The following CHRM3 variants were observed in gnomAD, a reference collection of about 807,000 sequenced individuals.
CHRM3 encodes the protein muscarinic acetylcholine receptor M3.
CHRM3 carries 11 observed loss-of-function variants against 41.8 expected under a neutral mutation model. That is an observed-to-expected ratio of 0.26 (90% CI 0.17 to 0.44). CHRM3 has a LOEUF of 0.44. Among genes scored for constraint, CHRM3 ranks in the 20% least tolerant of loss-of-function variants. The probability of loss-of-function intolerance (pLI) is 1.00; values close to 1 mark genes in which losing one functional copy is unlikely to be tolerated. For synonymous variants in CHRM3, 297 were observed against 301.4 expected (o/e 0.99, Z 0.15); for missense variants, 571 against 745.4 (o/e 0.77, Z 2.72).
chr1:239,538,619 C>T (rs988931603), intron 2 of CHRM3, among the ~76,000 whole-genome samples: 1 of 152,152 alleles, frequency 6.6e-6, no homozygotes, highest in Non-Finnish European at 1.5e-5. Flanking sequence ...ACTGTCCTTA[C>T]TTAAACTTCA....
intron 3 of CHRM3, among the ~76,000 whole-genome samples, chr1:239,593,493 ACTC>A (rs1303194838): frequency 2.0e-5 from 3 of 151,908 alleles, no homozygotes; most frequent in Non-Finnish European, 4.4e-5. Flanking sequence ...AAAAAAAAAA[ACTC>A]AAATATTTTA....
At chr1:239,391,879 G>C (rs1371869996) in intron 1 of CHRM3, among the ~76,000 whole-genome samples, 1 of 152,142 alleles carries the variant, frequency 6.6e-6, no homozygotes, top group Non-Finnish European at 1.5e-5. Context: ...AGCCTGCTCT[G>C]CATGGGACTC....
intron 4 of CHRM3, among the ~76,000 whole-genome samples, chr1:239,648,049 C>T (rs1316039668): frequency 1.3e-5 from 2 of 152,060 alleles, no homozygotes. Context: ...GAAAATGAAA[C>T]TAGTTTCCTC....
chr1:239,633,218 A>G (rs1379417972), intron 4 of CHRM3, among the ~76,000 whole-genome samples: 4 of 152,048 alleles, frequency 2.6e-5, no homozygotes, highest in Admixed American at 6.6e-5. Flanking sequence ...TGATCTGCCC[A>G]CCTCAGCCTC....
chr1:239,465,391 A>G (rs1326585777), intron 1 of CHRM3, among the ~76,000 whole-genome samples: 2 of 152,250 alleles, frequency 1.3e-5, no homozygotes, highest in South Asian at 2.1e-4. Context: ...AGAAAAATTC[A>G]AACTAAAATT....
rs549436430 is a variant in CHRM3 at position 239,911,636 on chromosome 1, A to C, written c.*2412A>C. 1.8e-5 allele frequency: 3 copies of C among 167,078 alleles called. No homozygotes were observed. Among genetic ancestry groups the C allele is most frequent in the Admixed American group, 6.5e-5 (1 of 15,292 alleles). 10.3% of individuals were successfully genotyped at this position (167,078 alleles called of 1,614,324 possible). ...TTGAGAGTCACTTCCAATCTCCTTAAACATGATTATCTCCTTATCCTTGTC... is the reference window on the plus strand; with the variant it reads ...TTGAGAGTCACTTCCAATCTCCTTACACATGATTATCTCCTTATCCTTGTC... On this transcript the variant is annotated 3_prime_UTR_variant, in exon 7 of 7. Coordinates refer to ENST00000676153, the MANE Select transcript of CHRM3 (RefSeq NM_001375978.1).
chr1:239,558,509 C>T (rs1339327865), intron 3 of CHRM3, among the ~76,000 whole-genome samples: 1 of 152,184 alleles, frequency 6.6e-6, no homozygotes, highest in African/African-American at 2.4e-5. Flanking sequence ...TAACATACAC[C>T]TTGTGTTTAA....
chr1:239,462,532 CT>C (rs1160669729), intron 1 of CHRM3, among the ~76,000 whole-genome samples: 9 of 152,174 alleles, frequency 5.9e-5, no homozygotes, highest in African/African-American at 2.2e-4. Context: ...TACCTTCACA[CT>C]TTTACAGCTG....
intron 5 of CHRM3, among the ~76,000 whole-genome samples, chr1:239,696,177 T>C (rs1048424367): frequency 6.6e-6 from 1 of 152,260 alleles, no homozygotes; most frequent in Admixed American, 6.5e-5. Context: ...TCTGCATCAT[T>C]AAGATGGAAA....
chr1:239,605,549 A>G (rs1666144336), intron 3 of CHRM3, among the ~76,000 whole-genome samples: 2 of 152,190 alleles, frequency 1.3e-5, no homozygotes, highest in South Asian at 4.1e-4. Context: ...GTTTAAAAGA[A>G]TCATGATCAT....
At chr1:239,663,192 T>G (rs1354912560) in intron 4 of CHRM3, among the ~76,000 whole-genome samples, 2 of 152,052 alleles carry the variant, frequency 1.3e-5, no homozygotes, top group African/African-American at 4.8e-5. Context: ...CTCTCCACTC[T>G]CACCTGCTTT....
chr1:239,672,307 C>T (rs1256480664), intron 4 of CHRM3, among the ~76,000 whole-genome samples: 1 of 152,030 alleles, frequency 6.6e-6, no homozygotes, highest in Non-Finnish European at 1.5e-5. Flanking sequence ...AAAAGGCTTC[C>T]TTTTGTCAGC....
chr1:239,613,245 A>G (rs1667265524), intron 3 of CHRM3, among the ~76,000 whole-genome samples: 1 of 152,226 alleles, frequency 6.6e-6, no homozygotes, highest in African/African-American at 2.4e-5. Flanking sequence ...TAGGGTGTGC[A>G]CAAGCAAAGG....
At chr1:239,472,461 G>T (rs1206904421) in intron 1 of CHRM3, among the ~76,000 whole-genome samples, 3 of 152,098 alleles carry the variant, frequency 2.0e-5, no homozygotes, top group African/African-American at 7.2e-5. Flanking sequence ...TTAGCAAAAA[G>T]CAATGTCATC....
chr1:239,604,552 T>A (rs1666009490), intron 3 of CHRM3, among the ~76,000 whole-genome samples: 2 of 152,224 alleles, frequency 1.3e-5, no homozygotes, highest in Non-Finnish European at 2.9e-5. Flanking sequence ...CAAGTGAATC[T>A]CTGCTGGCTT....
intron 5 of CHRM3, among the ~76,000 whole-genome samples, chr1:239,797,407 TAA>T (rs61348691): frequency 8.4e-5 from 12 of 143,602 alleles, no homozygotes; most frequent in South Asian, 2.2e-4. Context: ...ACTCATTCTT[TAA>T]AAAAAAAAAA....
chr1:239,489,520 A>T (rs1011525790), intron 1 of CHRM3, among the ~76,000 whole-genome samples: 1 of 152,210 alleles, frequency 6.6e-6, no homozygotes, highest in Non-Finnish European at 1.5e-5. Flanking sequence ...ATTTTCAACA[A>T]GGTTTCAATA....
At chr1:239,394,286 C>A (rs1188919286) in intron 1 of CHRM3, among the ~76,000 whole-genome samples, 1 of 152,212 alleles carries the variant, frequency 6.6e-6, no homozygotes, top group Non-Finnish European at 1.5e-5. Flanking sequence ...CTTCCTTCAG[C>A]TCCTGGTAGC....
At chr1:239,818,030 C>A (rs1233710790) in intron 5 of CHRM3, among the ~76,000 whole-genome samples, 3 of 152,138 alleles carry the variant, frequency 2.0e-5, no homozygotes, top group African/African-American at 7.2e-5. Context: ...TGGGTTGTCA[C>A]AACAAAACAC....
Sources: gnomAD v4.1 joint callset for allele counts (sites outside exome capture counted in the v4.1 genomes callset) on GRCh38, gnomAD v4.1.1 for gene constraint, MANE v1.5 for transcripts, NCBI Gene and HGNC (gene_info 2026-07-23, HGNC 2026-07-21) for gene names.